The following METTL23 variants were observed in gnomAD, a reference collection of about 807,000 sequenced individuals.
METTL23 encodes the protein methyltransferase 23, arginine, also known as histone-arginine methyltransferase METTL23.
METTL23 carries 24 observed loss-of-function variants against 21.2 expected under a neutral mutation model. The observed-to-expected ratio is 1.13, with a 90% CI of 0.82 to 1.59. The LOEUF (loss-of-function observed/expected upper bound fraction) is 1.59. Among genes scored for constraint, METTL23 ranks in the 40% most tolerant of loss-of-function variants. The pLI is 0.00. For synonymous variants in METTL23, 97 were observed against 75.2 expected (o/e 1.29, Z -1.50); for missense variants, 276 against 221.4 (o/e 1.25, Z -1.57).
At chr17:76,728,784 C>G (rs1030533305) in intron 1 of METTL23, among the ~76,000 whole-genome samples, 1 of 136,512 alleles carries the variant, frequency 7.3e-6, no homozygotes, top group African/African-American at 2.6e-5. Flanking sequence ...AGAATAGAAG[C>G]CTCTTTCCTT....
chr17:76,732,834 G>A, intron 2 of METTL23, 144 bp from the exon 3 acceptor site: 1 of 679,222 alleles, frequency 1.5e-6, no homozygotes, highest in Non-Finnish European at 2.5e-6. Context: ...GTAATGTTCA[G>A]TTACGGTACA....
chr17:76,729,631 G>C, intron 1 of METTL23, 59 bp from the exon 2 acceptor site: 1 of 1,200,682 alleles, frequency 8.3e-7, no homozygotes, highest in South Asian at 1.3e-5. Context: ...ATTGCTGTAT[G>C]AATGATTCCA....
At chr17:76,730,327 G>A (rs1331136154) in intron 2 of METTL23, among the ~76,000 whole-genome samples, 4 of 152,076 alleles carry the variant, frequency 2.6e-5, no homozygotes, top group African/African-American at 7.2e-5. Flanking sequence ...AAGATACTGG[G>A]TGTGATGGCT....
In METTL23 at chr17:76,733,868, C is replaced by T. The variant is rs1262337841; in HGVS notation, c.*182C>T. 5 of 476,550 alleles carry T rather than the reference C, an allele frequency of 1.0e-5. No individual in the cohort carries two copies. Among genetic ancestry groups the T allele is most frequent in the Middle Eastern group, 5.2e-4 (1 of 1,932 alleles). 29.5% of individuals were successfully genotyped at this position (476,550 alleles called of 1,614,324 possible). ...CTCATATGAAACAAAAATTAAAATA[C>T]GTATTACAAGTACTTGGATTGTTCC... On this transcript the variant is annotated 3_prime_UTR_variant, in exon 5 of 5. Transcript: ENST00000341249.
chr17:76,732,697 T>A (rs942714115), intron 2 of METTL23: 3 of 454,254 alleles, frequency 6.6e-6, no homozygotes, highest in Non-Finnish European at 1.2e-5. Context: ...GCCCCAAAAC[T>A]ACTTCTGTGT....
At chr17:76,731,343 T>C (rs1321592215) in intron 2 of METTL23, among the ~76,000 whole-genome samples, 2 of 152,178 alleles carry the variant, frequency 1.3e-5, no homozygotes, top group Non-Finnish European at 2.9e-5. Context: ...TCCTTACAGG[T>C]TCAGTGTCTG....
In METTL23 at chr17:76,729,666, G is replaced by C; in HGVS notation, c.-21-24G>C. 2.1e-6 allele frequency: 3 copies of C among 1,450,094 alleles called. No homozygotes were observed. In the South Asian group the frequency reaches 3.7e-5, roughly 18 times the overall value. The allele number at this position is 1,450,094 out of a possible 1,614,324, so 89.8% of individuals were successfully genotyped here. ...AACTTCCAGCAGCTAAATTATTTAT[G>C]GCACACAAAAACATTCTTTTCAGGT... On this transcript the variant is annotated intron_variant, in intron 1 of 4. Coordinates refer to ENST00000341249, the MANE Select transcript of METTL23 (RefSeq NM_001080510.5).
At chr17:76,730,998 G>A (rs969930305) in intron 2 of METTL23, among the ~76,000 whole-genome samples, 4 of 152,020 alleles carry the variant, frequency 2.6e-5, no homozygotes, top group Admixed American at 1.3e-4. Flanking sequence ...CCAGCTACTC[G>A]GGAGGCTGAG....
At chr17:76,731,734 C>T (rs999586585) in intron 2 of METTL23, among the ~76,000 whole-genome samples, 1 of 152,124 alleles carries the variant, frequency 6.6e-6, no homozygotes, top group Non-Finnish European at 1.5e-5. Context: ...ATAGACAAAC[C>T]AGAAGCTTAA....
chr17:76,732,780 T>TAGC, intron 2 of METTL23, 198 bp from the exon 3 acceptor site: 1 of 602,340 alleles, frequency 1.7e-6, no homozygotes, highest in East Asian at 2.8e-5. Context: ...TTTTACCTTT[T>TAGC]AGCAGAGTAG....
chr17:76,733,256 C>T, intron 3 of METTL23, 37 bp from the exon 4 acceptor site: 1 of 1,612,142 alleles, frequency 6.2e-7, no homozygotes, highest in Non-Finnish European at 8.5e-7. Context: ...GCCAGTGATG[C>T]TATATGAAAA....
Position 76,730,493 on chromosome 17 carries a change from T to C in METTL23, c.84+699T>C, listed in dbSNP as rs2077156763. Among the ~76,000 whole-genome samples the C allele has an allele frequency of 5.3e-5, 8 of 152,078 alleles. No homozygotes were observed. In the South Asian group the frequency reaches 1.7e-3, roughly 32 times the overall value. On this transcript the variant is annotated intron_variant, in intron 2 of 4. Transcript: ENST00000341249. ...AGGTGGACCACAAAGCCTAAAATAT[T>C]GACTCTCTAGCCCTTTAGTTTGCTG...
intron 2 of METTL23, 198 bp from the exon 3 acceptor site, chr17:76,732,780 T>C (rs2077276781): frequency 3.3e-6 from 2 of 602,222 alleles, no homozygotes; most frequent in Middle Eastern, 4.3e-4. Context: ...TTTTACCTTT[T>C]AGCAGAGTAG....
intron 4 of METTL23, 48 bp from the exon 5 acceptor site, chr17:76,733,473 C>T (rs745468964): frequency 5.0e-6 from 8 of 1,598,940 alleles, no homozygotes; most frequent in Non-Finnish European, 6.8e-6. Context: ...ACATCTGAAG[C>T]AAAACAGAAA....
chr17:76,728,815 T>C (rs1297639132), intron 1 of METTL23, among the ~76,000 whole-genome samples: 1 of 106,104 alleles, frequency 9.4e-6, no homozygotes, highest in African/African-American at 3.6e-5. Context: ...TTTTTTGGAG[T>C]TGGAGTCTTG....
Position 76,733,575 on chromosome 17 carries a change from C to T in METTL23, c.462C>T (p.His154=). Residue 154 remains histidine, a synonymous_variant, in exon 5 of 5, where the codon CAC becomes CAT. Transcript: ENST00000341249. ...LLYKWDMKCV[H]IPLESFDADK... Reference sequence around the variant, plus strand: ...ACAAATGGGATATGAAATGTGTCCACATTCCTCTTGAGTCTTTTGATGCAG... The same window carrying T: ...ACAAATGGGATATGAAATGTGTCCATATTCCTCTTGAGTCTTTTGATGCAG... 1 of 1,613,892 alleles carries T rather than the reference C, an allele frequency of 6.2e-7. No individual in the cohort carries two copies. The highest frequency in any genetic ancestry group is 8.5e-7 in the Non-Finnish European group (1 of 1,179,850).
chr17:76,726,733 T>G (rs1048443154), upstream of METTL23: 10 of 507,650 alleles, frequency 2.0e-5, no homozygotes, highest in Admixed American at 3.2e-5. Flanking sequence ...CCTGGGGTAC[T>G]CCTTCACATA....
intron 2 of METTL23, chr17:76,732,746 TA>T: frequency 3.5e-6 from 2 of 570,852 alleles, no homozygotes; most frequent in Non-Finnish European, 6.2e-6. Flanking sequence ...CATGGCCCTT[TA>T]ATATTGAAAT....
At chr17:76,728,546 G>C (rs1198262968) in intron 1 of METTL23, among the ~76,000 whole-genome samples, 1 of 152,022 alleles carries the variant, frequency 6.6e-6, no homozygotes, top group East Asian at 1.9e-4. Flanking sequence ...AAGTAGCTGG[G>C]ATTATAGGCG....
Sources: allele counts gnomAD v4.1 joint callset (sites outside exome capture counted in the v4.1 genomes callset), GRCh38; gene constraint gnomAD v4.1.1; transcripts MANE v1.5; gene names NCBI Gene and HGNC (gene_info 2026-07-23, HGNC 2026-07-21).